PPP2R2A: variants seen among roughly 807,000 people sequenced by gnomAD.
PPP2R2A encodes the protein protein phosphatase 2 regulatory subunit Balpha.
A neutral mutation model predicts 53.2 loss-of-function variants in PPP2R2A; 9 were observed. The ratio of observed to expected loss-of-function variants is 0.17; its 90% CI spans 0.10 to 0.30. The LOEUF is 0.30. PPP2R2A is among the 10% of genes least tolerant of loss of function. The pLI is 1.00. For synonymous variants in PPP2R2A, 169 were observed against 174.2 expected (o/e 0.97, Z 0.23); for missense variants, 235 against 534.6 (o/e 0.44, Z 5.53).
At chr8:26,367,915 C>G (rs1805463589) in intron 9 of PPP2R2A, among the ~76,000 whole-genome samples, 1 of 152,182 alleles carries the variant, frequency 6.6e-6, no homozygotes, top group African/African-American at 2.4e-5. Flanking sequence ...CTCCTTTATT[C>G]TGAAACAGTT....
chr8:26,316,306 C>G (rs978488458), intron 2 of PPP2R2A, among the ~76,000 whole-genome samples: 3 of 152,134 alleles, frequency 2.0e-5, no homozygotes, highest in Non-Finnish European at 2.9e-5. Context: ...CCATGCCCAG[C>G]TTGTGTACTG....
intron 2 of PPP2R2A, among the ~76,000 whole-genome samples, chr8:26,328,837 G>A (rs1803224187): frequency 6.6e-6 from 1 of 152,090 alleles, no homozygotes; most frequent in Admixed American, 6.5e-5. Flanking sequence ...GTGAGATTAA[G>A]GAATGAAGTT....
chr8:26,346,779 G>T (rs542902394), intron 3 of PPP2R2A, among the ~76,000 whole-genome samples: 3 of 152,286 alleles, frequency 2.0e-5, no homozygotes, highest in African/African-American at 7.2e-5. Flanking sequence ...GAATTTTCTA[G>T]CGAACTTCAT....
At chr8:26,325,360 C>T (rs1181433939) in intron 2 of PPP2R2A, among the ~76,000 whole-genome samples, 3 of 151,902 alleles carry the variant, frequency 2.0e-5, no homozygotes, top group African/African-American at 7.3e-5. Flanking sequence ...TTTCTCTTGC[C>T]GCCGCCATGT....
intron 2 of PPP2R2A, among the ~76,000 whole-genome samples, chr8:26,300,493 A>G (rs1406655768): frequency 1.8e-4 from 28 of 152,166 alleles, no homozygotes. Context: ...GTTGCCCTTT[A>G]AGGTGATGAT....
rs115569489 is a variant in PPP2R2A at position 26,342,602 on chromosome 8, G to A, written c.180+3615G>A. Among the ~76,000 whole-genome samples the A allele has an allele frequency of 5.4e-3, 824 of 152,232 alleles. 8 individuals are homozygous for A. The highest frequency in any genetic ancestry group is 0.019 in the African/African-American group (806 of 41,524). Reference sequence around the variant, plus strand: ...GGGTGTGTGGGTGCTGGGTTAAAGGGACAGCTAAGACAGAAGGTGAGGAGG... The same window carrying A: ...GGGTGTGTGGGTGCTGGGTTAAAGGAACAGCTAAGACAGAAGGTGAGGAGG... On this transcript the variant is annotated intron_variant, in intron 3 of 9. Coordinates refer to ENST00000380737, the MANE Select transcript of PPP2R2A (RefSeq NM_002717.4).
At chr8:26,336,148 G>A (rs1054116661) in intron 2 of PPP2R2A, among the ~76,000 whole-genome samples, 2 of 152,168 alleles carry the variant, frequency 1.3e-5, no homozygotes, top group African/African-American at 4.8e-5. Flanking sequence ...TGGGTGTTGT[G>A]TTTTGTGGTT....
intron 2 of PPP2R2A, among the ~76,000 whole-genome samples, chr8:26,308,473 A>G (rs1802123485): frequency 6.6e-6 from 1 of 152,246 alleles, no homozygotes. Context: ...TTTCATTTCA[A>G]CAATGTTCAC....
intron 2 of PPP2R2A, among the ~76,000 whole-genome samples, chr8:26,305,056 A>G (rs1212901932): frequency 6.6e-6 from 1 of 152,100 alleles, no homozygotes; most frequent in Non-Finnish European, 1.5e-5. Flanking sequence ...GAAACTCTAT[A>G]CCCGTTAAAT....
intron 3 of PPP2R2A, among the ~76,000 whole-genome samples, chr8:26,339,686 A>G (rs1449976682): frequency 1.3e-5 from 2 of 152,102 alleles, no homozygotes; most frequent in African/African-American, 4.8e-5. Context: ...CTCTCCTTCC[A>G]TTTGTAGATC....
At chr8:26,308,444 A>G (rs1802121624) in intron 2 of PPP2R2A, among the ~76,000 whole-genome samples, 1 of 152,238 alleles carries the variant, frequency 6.6e-6, no homozygotes, top group South Asian at 2.1e-4. Flanking sequence ...AGTTTATATA[A>G]TATTCTAAAT....
chr8:26,352,895 G>A (rs1037325928), intron 3 of PPP2R2A, among the ~76,000 whole-genome samples: 6 of 152,098 alleles, frequency 3.9e-5, no homozygotes, highest in South Asian at 2.1e-4. Context: ...AAAGTTTGAC[G>A]TACACAAGTT....
chr8:26,314,763 A>T (rs938878186), intron 2 of PPP2R2A, among the ~76,000 whole-genome samples: 16 of 150,374 alleles, frequency 1.1e-4, no homozygotes, highest in African/African-American at 3.4e-4. Context: ...TTGGACTCGT[A>T]CTCATTGGAC....
chr8:26,342,629 A>G (rs964852682), intron 3 of PPP2R2A, among the ~76,000 whole-genome samples: 1 of 151,964 alleles, frequency 6.6e-6, no homozygotes. Context: ...GTGAGGAGGG[A>G]GGTTGTACCT....
At chr8:26,297,976 T>G (rs1025782878) in intron 2 of PPP2R2A, among the ~76,000 whole-genome samples, 1 of 152,146 alleles carries the variant, frequency 6.6e-6, no homozygotes, top group Admixed American at 6.6e-5. Context: ...TAGAGGCACA[T>G]ATGCAGCTGG....
At chr8:26,340,568 T>C (rs1386857084) in intron 3 of PPP2R2A, among the ~76,000 whole-genome samples, 1 of 152,132 alleles carries the variant, frequency 6.6e-6, no homozygotes, top group Non-Finnish European at 1.5e-5. Context: ...TCTTCATTTT[T>C]AATGAAGGCA....
In PPP2R2A at chr8:26,354,401, G is replaced by C; in HGVS notation, c.181-67G>C. On this transcript the variant is annotated intron_variant, in intron 3 of 9. Transcript: ENST00000380737. The surrounding 1 kb of genome is among the most constrained non-coding windows in gnomAD (Gnocchi z 4.6). ...AGAATGTGCAGGGTCCTTTGGAATTGATTACATATTTGATTATTTTGAAAT... is the reference window on the plus strand; with the variant it reads ...AGAATGTGCAGGGTCCTTTGGAATTCATTACATATTTGATTATTTTGAAAT... The C allele has an allele frequency of 7.6e-7, 1 of 1,308,304 alleles. No individual in the cohort carries two copies. Among genetic ancestry groups the C allele is most frequent in the Non-Finnish European group, 1.0e-6 (1 of 968,408 alleles). 81.0% of individuals were successfully genotyped at this position (1,308,304 alleles called of 1,614,324 possible). A position where few individuals can be genotyped will look rare whatever the true frequency, so the allele number is the denominator to read the frequency against.
rs527926252 is a variant in PPP2R2A, at chr8:26,295,170, C to A, written c.82+1430C>A. 2.6e-5 allele frequency among the ~76,000 whole-genome samples: 4 copies of A among 152,270 alleles called. 1 individual carries two copies. In the South Asian group the frequency reaches 8.3e-4, roughly 32 times the overall value. On this transcript the variant is annotated intron_variant, in intron 2 of 9. Coordinates refer to ENST00000380737, the MANE Select transcript of PPP2R2A (RefSeq NM_002717.4). ...TGGAAAATGTTCTTTGGTTGAATTC[C>A]ATTTATTCCCTTAGGAAAGTTCCCC...
At chr8:26,337,844 G>A (rs1419063398) in intron 2 of PPP2R2A, among the ~76,000 whole-genome samples, 2 of 152,146 alleles carry the variant, frequency 1.3e-5, no homozygotes, top group Non-Finnish European at 2.9e-5. Flanking sequence ...CCTAGACAAC[G>A]GAGGAAGAAA....
Sources: allele counts gnomAD v4.1 joint callset (sites outside exome capture counted in the v4.1 genomes callset), GRCh38; gene constraint gnomAD v4.1.1; non-coding constraint Gnocchi (gnomAD v3.1); transcripts MANE v1.5; gene names NCBI Gene and HGNC (gene_info 2026-07-23, HGNC 2026-07-21).